SGCE: variants seen among roughly 807,000 people sequenced by gnomAD.
The protein encoded by SGCE is sarcoglycan epsilon.
A neutral mutation model predicts 57.8 loss-of-function variants in SGCE; 26 were observed. The ratio of observed to expected loss-of-function variants is 0.45; its 90% CI spans 0.33 to 0.62. The LOEUF is 0.62. Ranked by LOEUF, SGCE falls within the 20% of genes least tolerant of loss-of-function variation. The pLI is 0.02. For missense variants in SGCE, 468 were observed against 548.6 expected (o/e 0.85, Z 1.47); for synonymous variants, 183 against 189.5 (o/e 0.97, Z 0.28).
At chr7:94,588,968 G>A (rs1055533657) in intron 9 of SGCE, 2 of 532,540 alleles carry the variant, frequency 3.8e-6, no homozygotes, top group Non-Finnish European at 6.8e-6. Context: ...ATACTCTAAA[G>A]TACCTCACAA....
intron 9 of SGCE, 126 bp from the exon 10 acceptor site, chr7:94,588,858 C>A (rs1797264660): frequency 1.0e-6 from 1 of 988,556 alleles, no homozygotes; most frequent in Non-Finnish European, 1.6e-6. Context: ...CAGCACAATT[C>A]CCCTCCCCTT....
intron 1 of SGCE, among the ~76,000 whole-genome samples, chr7:94,645,459 G>C (rs1806924980): frequency 6.6e-6 from 1 of 152,118 alleles, no homozygotes; most frequent in Admixed American, 6.5e-5. Context: ...GAGGAGGACT[G>C]TTTACCCCAA....
At chr7:94,603,776 A>G (rs1240902778) in intron 5 of SGCE, among the ~76,000 whole-genome samples, 1 of 152,192 alleles carries the variant, frequency 6.6e-6, no homozygotes, top group Non-Finnish European at 1.5e-5. Flanking sequence ...TTTAGTAATT[A>G]CTATATTTAG....
chr7:94,631,140 A>T (rs2116983967), intron 1 of SGCE, among the ~76,000 whole-genome samples: 1 of 147,536 alleles, frequency 6.8e-6, no homozygotes, highest in South Asian at 2.3e-4. Flanking sequence ...TTCTTTCCTG[A>T]TTTGTTTTGT....
At chr7:94,597,063 G>A (rs942405414) in intron 9 of SGCE, among the ~76,000 whole-genome samples, 1 of 151,946 alleles carries the variant, frequency 6.6e-6, no homozygotes, top group African/African-American at 2.4e-5. Flanking sequence ...GGTAAACTGG[G>A]TTTTATGATG....
chr7:94,626,102 G>A (rs2116941372), intron 3 of SGCE: 1 of 152,106 alleles, frequency 6.6e-6, no homozygotes, highest in South Asian at 2.1e-4. Flanking sequence ...TAAGTTTATT[G>A]GCGTTTGTGT....
In SGCE at chr7:94,648,896, T is replaced by A. The variant is rs115953049; in HGVS notation, c.109+7094A>T. 9.0e-3 allele frequency among the ~76,000 whole-genome samples: 1,368 copies of A among 152,318 alleles called. 20 individuals carry two copies. Among genetic ancestry groups the A allele is most frequent in the African/African-American group, 0.031 (1,295 of 41,560 alleles). On this transcript the variant is annotated intron_variant, in intron 1 of 10. Coordinates refer to ENST00000648936, the MANE Select transcript of SGCE (RefSeq NM_003919.3). ...AACTGCTGTAAGAAAATTACTGTGATCCCTTCTTTCAAATTTGCAGCGAAC... is the reference window on the plus strand; with the variant it reads ...AACTGCTGTAAGAAAATTACTGTGAACCCTTCTTTCAAATTTGCAGCGAAC...
Position 94,588,742 on chromosome 7 carries a change from A to G in SGCE, c.1254-10T>C, listed in dbSNP as rs142854334. The stretch of plus-strand genomic sequence containing the variant: ...CTGATGTGGCAAGTTCCTAGAAATG[A>G]TGAACATTTTTGAGTAAAACTGTTT... On this transcript the variant is annotated splice_polypyrimidine_tract_variant and intron_variant, in intron 9 of 10. Transcript: ENST00000648936. 380 of 1,612,812 alleles carry G rather than the reference A, an allele frequency of 2.4e-4. 1 individual carries two copies. The African/African-American group carries it at 4.7e-3, about 20-fold the overall frequency.
Position 94,605,867 on chromosome 7 carries a change from G to A in SGCE, c.663-2415C>T, listed in dbSNP as rs181742204. Among the ~76,000 whole-genome samples the A allele has an allele frequency of 2.0e-3, 304 of 151,714 alleles. 1 individual carries two copies. The highest frequency in any genetic ancestry group is 3.8e-3 in the Non-Finnish European group (256 of 67,880). Reference sequence around the variant, plus strand: ...TATTTTATTTTTGAGACACAGTCTCGCCCTGTCACCCAGGCTGGAGTGCAG... The same window carrying A: ...TATTTTATTTTTGAGACACAGTCTCACCCTGTCACCCAGGCTGGAGTGCAG... On this transcript the variant is annotated intron_variant, in intron 5 of 10. Coordinates refer to ENST00000648936, the MANE Select transcript of SGCE (RefSeq NM_003919.3).
intron 6 of SGCE, among the ~76,000 whole-genome samples, chr7:94,601,476 A>AAAAC (rs1288229007): frequency 1.4e-4 from 19 of 134,948 alleles, no homozygotes; most frequent in Non-Finnish European, 3.1e-4. Flanking sequence ...AAAAAAAAAA[A>AAAAC]CTACAACAGT....
At chr7:94,647,637 T>A (rs1292812394) in intron 1 of SGCE, among the ~76,000 whole-genome samples, 1 of 152,240 alleles carries the variant, frequency 6.6e-6, no homozygotes, top group Non-Finnish European at 1.5e-5. Context: ...TTCCCTGACC[T>A]CCTGTCTAGC....
intron 5 of SGCE, chr7:94,618,016 C>T (rs1258273684): frequency 6.6e-6 from 1 of 152,162 alleles, no homozygotes; most frequent in African/African-American, 2.4e-5. Flanking sequence ...GCAAATCTGC[C>T]TCAACCTACA....
chr7:94,589,064 A>G (rs1281022375), intron 9 of SGCE: 1 of 353,816 alleles, frequency 2.8e-6, no homozygotes, highest in Non-Finnish European at 5.4e-6. Flanking sequence ...TAGCTAGGAC[A>G]TGGTAGGTAA....
intron 9 of SGCE, among the ~76,000 whole-genome samples, chr7:94,595,555 A>G (rs1798268957): frequency 6.6e-6 from 1 of 152,168 alleles, no homozygotes; most frequent in Admixed American, 6.5e-5. Context: ...TTATCCAAGC[A>G]TATACCTGGT....
chr7:94,644,401 C>A (rs150788907), intron 1 of SGCE, among the ~76,000 whole-genome samples: 1 of 152,244 alleles, frequency 6.6e-6, no homozygotes, highest in African/African-American at 2.4e-5. Context: ...TACTGTTTCC[C>A]AAACCTGAAT....
intron 5 of SGCE, among the ~76,000 whole-genome samples, chr7:94,616,103 G>A (rs1801892740): frequency 6.6e-6 from 1 of 152,054 alleles, no homozygotes; most frequent in South Asian, 2.1e-4. Context: ...GTTCTGCAGA[G>A]ATTAAAAAAA....
At chr7:94,653,859 T>G (rs1430603984) in intron 1 of SGCE, among the ~76,000 whole-genome samples, 2 of 152,024 alleles carry the variant, frequency 1.3e-5, no homozygotes, top group Non-Finnish European at 2.9e-5. Flanking sequence ...GTTGTTCATT[T>G]AAAATTTTAA....
rs1220855928 is a variant in SGCE, at chr7:94,629,807, C to G, written c.144G>C (p.Arg48=). Residue 48 remains arginine, a synonymous_variant, in exon 2 of 11, where the codon CGG becomes CGC. Coordinates refer to ENST00000648936, the MANE Select transcript of SGCE (RefSeq NM_003919.3). ...GGACACCTGCTGATGGGTATACATT[C>G]CGATCGGAGTGTACCTTGGAGAAAA... ...YSIFSKVHSD[R]NVYPSAGVLF... is the part of the protein sequence containing the mutation. 4 of 1,610,906 alleles carry G rather than the reference C, an allele frequency of 2.5e-6. No individual in the cohort carries two copies. The highest frequency in any genetic ancestry group is 1.1e-5 in the South Asian group (1 of 91,018).
rs139796978 is a variant in SGCE at position 94,604,413 on chromosome 7, T to TACACAC, written c.663-967_663-962dup. On this transcript the variant is annotated intron_variant, in intron 5 of 10. Transcript: ENST00000648936. The stretch of plus-strand genomic sequence containing the variant: ...AAGTTCATAGCACCCAGAATAGCCA[T>TACACAC]ACACACACACACACACACACAAATT... 1.9e-3 allele frequency among the ~76,000 whole-genome samples: 278 copies of TACACAC among 148,570 alleles called. 1 individual carries two copies. The highest frequency in any genetic ancestry group is 5.6e-3 in the African/African-American group (225 of 40,512).
Sources: allele counts gnomAD v4.1 joint callset (sites outside exome capture counted in the v4.1 genomes callset), GRCh38; gene constraint gnomAD v4.1.1; transcripts MANE v1.5; gene names NCBI Gene and HGNC (gene_info 2026-07-23, HGNC 2026-07-21).